SEMA5A: variants seen among roughly 807,000 people sequenced by gnomAD.
SEMA5A encodes semaphorin 5A.
SEMA5A carries 55 observed loss-of-function variants against 135.5 expected under a neutral mutation model. The ratio of observed to expected loss-of-function variants is 0.41; its 90% CI spans 0.33 to 0.51. The LOEUF (loss-of-function observed/expected upper bound fraction) is 0.51. Among genes scored for constraint, SEMA5A ranks in the 20% least tolerant of loss-of-function variants. The probability of loss-of-function intolerance (pLI) is 0.37; values close to 1 mark genes in which losing one functional copy is unlikely to be tolerated. For synonymous variants in SEMA5A, 580 were observed against 546.5 expected, an observed-to-expected ratio of 1.06 and a Z score of -0.85; for missense variants, 1,290 against 1,419.9, an observed-to-expected ratio of 0.91 and a Z score of 1.47.
chr5:9,178,008 C>T lies in SEMA5A; in HGVS notation c.1273+12259G>A, dbSNP rs530814117. Among the ~76,000 whole-genome samples, 186 of 152,172 alleles carry T rather than the reference C, an allele frequency of 1.2e-3. 1 individual carries two copies. Among genetic ancestry groups the T allele is most frequent in the South Asian group, 6.9e-3 (33 of 4,808 alleles). On this transcript the variant is annotated intron_variant, in intron 11 of 22. Coordinates refer to ENST00000382496, the MANE Select transcript of SEMA5A (RefSeq NM_003966.3). ...TGACAGTACATCAGATAAATTGAAA[C>T]CTTCAGCCTGCCTCATTCAAAACCA...
chr5:9,128,387 A>G (rs958295879), intron 13 of SEMA5A, among the ~76,000 whole-genome samples: 5 of 152,162 alleles, frequency 3.3e-5, no homozygotes, highest in Admixed American at 1.3e-4. Flanking sequence ...TTTTCATTCA[A>G]ATGAAGAGGA....
At chr5:9,505,110 G>T (rs1450949348) in intron 1 of SEMA5A, among the ~76,000 whole-genome samples, 1 of 151,564 alleles carries the variant, frequency 6.6e-6, no homozygotes, top group Non-Finnish European at 1.5e-5. Context: ...TATTTATCCT[G>T]CATTTGAGCA....
At position 9,354,629 on chromosome 5, in the gene SEMA5A, C is replaced by T. The variant is rs186798312; in HGVS notation, c.125-16817G>A. 4.5e-4 allele frequency among the ~76,000 whole-genome samples: 68 copies of T among 152,216 alleles called. No individual in the cohort carries two copies. The South Asian group carries it at 0.013, about 30-fold the overall frequency. On this transcript the variant is annotated intron_variant, in intron 3 of 22. Transcript: ENST00000382496. Reference sequence around the variant, plus strand: ...CTGGTCCTGCTGTAGACACTACAGACGCTGCAGGAAAACAAGTAGAGAAGG... The same window carrying T: ...CTGGTCCTGCTGTAGACACTACAGATGCTGCAGGAAAACAAGTAGAGAAGG...
intron 5 of SEMA5A, among the ~76,000 whole-genome samples, chr5:9,288,401 CGGA>C (rs1750906851): frequency 6.6e-6 from 1 of 152,168 alleles, no homozygotes; most frequent in Admixed American, 6.5e-5. Context: ...AATCGCAGCT[CGGA>C]CTTCCCTCCC....
intron 2 of SEMA5A, among the ~76,000 whole-genome samples, chr5:9,430,545 T>C (rs922181164): frequency 6.6e-6 from 1 of 152,130 alleles, no homozygotes; most frequent in African/African-American, 2.4e-5. Flanking sequence ...CATTTGAGGC[T>C]AAGATGCAAA....
intron 3 of SEMA5A, among the ~76,000 whole-genome samples, chr5:9,378,931 A>AT (rs72220629): frequency 0.021 from 3,216 of 151,518 alleles, 50 homozygotes; most frequent in Non-Finnish European, 0.032. Flanking sequence ...AAATTATTTG[A>AT]TTTTTTTTTA....
intron 4 of SEMA5A, among the ~76,000 whole-genome samples, chr5:9,336,988 C>T (rs1753420401): frequency 6.6e-6 from 1 of 152,042 alleles, no homozygotes; most frequent in Non-Finnish European, 1.5e-5. Context: ...TATATAATCC[C>T]AAAATAGGTA....
chr5:9,283,967 T>G (rs1047552204), intron 5 of SEMA5A, among the ~76,000 whole-genome samples: 1 of 151,946 alleles, frequency 6.6e-6, no homozygotes, highest in Non-Finnish European at 1.5e-5. Flanking sequence ...ATGTGATACA[T>G]GGTCTTACTA....
intron 5 of SEMA5A, among the ~76,000 whole-genome samples, chr5:9,238,670 G>GT (rs1748040015): frequency 1.3e-5 from 2 of 150,274 alleles, no homozygotes; most frequent in Admixed American, 1.3e-4. Flanking sequence ...CTCGTGAATA[G>GT]TTTTTTGCGC....
intron 15 of SEMA5A, among the ~76,000 whole-genome samples, chr5:9,112,982 G>A (rs939120235): frequency 2.0e-5 from 3 of 152,180 alleles, no homozygotes; most frequent in Admixed American, 1.3e-4. Flanking sequence ...AAGAAACTGA[G>A]GCCCTCAGTC....
At chr5:9,509,420 G>A (rs1433631813) in intron 1 of SEMA5A, among the ~76,000 whole-genome samples, 3 of 151,764 alleles carry the variant, frequency 2.0e-5, no homozygotes, top group Non-Finnish European at 4.4e-5. Context: ...GATTACAGGC[G>A]CACACCACCA....
chr5:9,459,091 A>T (rs1342908773), intron 1 of SEMA5A, among the ~76,000 whole-genome samples: 1 of 152,230 alleles, frequency 6.6e-6, no homozygotes, highest in African/African-American at 2.4e-5. Context: ...ATATAAGGTT[A>T]ATAGCTAATA....
chr5:9,478,426 C>A (rs193182608), intron 1 of SEMA5A, among the ~76,000 whole-genome samples: 1 of 152,330 alleles, frequency 6.6e-6, no homozygotes, highest in Admixed American at 6.5e-5. Flanking sequence ...CCTGGAAAAG[C>A]TGCAAGAACT....
intron 1 of SEMA5A, among the ~76,000 whole-genome samples, chr5:9,480,909 C>T (rs1313993500): frequency 1.3e-5 from 2 of 152,100 alleles, no homozygotes; most frequent in African/African-American, 4.8e-5. Context: ...CCTACTTTAA[C>T]CACTAAGAGA....
At chr5:9,363,570 C>T (rs544832930) in intron 3 of SEMA5A, 1 of 152,320 alleles carries the variant, frequency 6.6e-6, no homozygotes, top group African/African-American at 2.4e-5. Context: ...CTTGAAGTCA[C>T]AGAAAGAGCA....
At chr5:9,471,984 A>G (rs1254981955) in intron 1 of SEMA5A, among the ~76,000 whole-genome samples, 7 of 152,256 alleles carry the variant, frequency 4.6e-5, no homozygotes, top group African/African-American at 1.7e-4. Flanking sequence ...AATGCAAATT[A>G]TTAAGAATCT....
chr5:9,286,334 T>C (rs923714183), intron 5 of SEMA5A, among the ~76,000 whole-genome samples: 3 of 152,222 alleles, frequency 2.0e-5, no homozygotes, highest in Admixed American at 6.5e-5. Flanking sequence ...GTAATTGCAA[T>C]GTTTTAATAA....
At chr5:9,514,909 C>A (rs1266659852) in intron 1 of SEMA5A, among the ~76,000 whole-genome samples, 2 of 152,196 alleles carry the variant, frequency 1.3e-5, no homozygotes, top group East Asian at 1.9e-4. Context: ...GCATCATTAA[C>A]CTTATGGATA....
chr5:9,487,903 A>C (rs1046580981), intron 1 of SEMA5A, among the ~76,000 whole-genome samples: 2 of 152,020 alleles, frequency 1.3e-5, no homozygotes, highest in Non-Finnish European at 2.9e-5. Context: ...CCCCTACTGA[A>C]CTCTTATTTT....
Sources: allele counts gnomAD v4.1 joint callset (sites outside exome capture counted in the v4.1 genomes callset), GRCh38; gene constraint gnomAD v4.1.1; transcripts MANE v1.5; gene names NCBI Gene and HGNC (gene_info 2026-07-23, HGNC 2026-07-21).